Variants in MTMR9 observed in about 807,000 individuals in gnomAD.
MTMR9 encodes myotubularin related protein 9.
MTMR9 carries 39 observed loss-of-function variants against 69.5 expected under a neutral mutation model. That is an observed-to-expected ratio of 0.56 (90% CI 0.43 to 0.73). The LOEUF is 0.73. Among genes scored for constraint, MTMR9 ranks in the 30% least tolerant of loss-of-function variants. The pLI is 0.00. For missense variants in MTMR9, 900 were observed against 671.2 expected, an observed-to-expected ratio of 1.34 and a Z score of -3.77; for synonymous variants, 354 against 240.8, an observed-to-expected ratio of 1.47 and a Z score of -4.35.
chr8:11,327,055 TG>T lies in MTMR9; in HGVS notation c.*4269del, dbSNP rs1178058522. 1 of 152,168 alleles carries T rather than the reference TG, an allele frequency of 6.6e-6. No individual in the cohort carries two copies. The highest frequency in any genetic ancestry group is 2.4e-5 in the African/African-American group (1 of 41,434). The allele number at this position is 152,168 out of a possible 1,614,324, so 9.4% of individuals were successfully genotyped here. On this transcript the variant is annotated 3_prime_UTR_variant, in exon 10 of 10. Transcript: ENST00000221086. ...ATATACTGATACTATAACTTTCTTA[TG>T]GTATCAGTTTTCTTTATTTTCTTGA...
intron 1 of MTMR9, among the ~76,000 whole-genome samples, chr8:11,293,552 A>G (rs1024876974): frequency 2.0e-5 from 3 of 152,140 alleles, no homozygotes; most frequent in Admixed American, 6.5e-5. Flanking sequence ...GACGTTTTAC[A>G]TTTTGAACAT....
intron 1 of MTMR9, among the ~76,000 whole-genome samples, chr8:11,287,399 A>G (rs926921819): frequency 5.3e-5 from 8 of 152,134 alleles, no homozygotes; most frequent in Admixed American, 1.3e-4. Context: ...CAGATGAGCC[A>G]TGGACCTTTG....
At chr8:11,314,112 C>T (rs992021189) in intron 6 of MTMR9, among the ~76,000 whole-genome samples, 1 of 152,184 alleles carries the variant, frequency 6.6e-6, no homozygotes, top group African/African-American at 2.4e-5. Context: ...CGTATTAAAG[C>T]TCTATGTAGT....
chr8:11,294,689 CTG>C (rs1267620801), intron 1 of MTMR9: 1 of 151,964 alleles, frequency 6.6e-6, no homozygotes, highest in Non-Finnish European at 1.5e-5. Flanking sequence ...CAGAATTTCA[CTG>C]TGTTAGCCAG....
chr8:11,313,774 T>C (rs555080831), intron 6 of MTMR9, among the ~76,000 whole-genome samples: 3 of 152,268 alleles, frequency 2.0e-5, no homozygotes, highest in Non-Finnish European at 2.9e-5. Flanking sequence ...CCAAAACTTG[T>C]AGAAGTAACA....
intron 2 of MTMR9, among the ~76,000 whole-genome samples, chr8:11,297,210 G>C (rs1799592193): frequency 6.6e-6 from 1 of 152,104 alleles, no homozygotes; most frequent in Admixed American, 6.5e-5. Flanking sequence ...TCTAGAAGTA[G>C]GATTTTAGTG....
At position 11,309,565 on chromosome 8, in the gene MTMR9, A is replaced by T; in HGVS notation, c.848A>T (p.Glu283Val). 1 of 1,613,822 alleles carries T rather than the reference A, an allele frequency of 6.2e-7. No homozygotes were observed. Among genetic ancestry groups the T allele is most frequent in the East Asian group, 2.2e-5 (1 of 44,888 alleles). Residue 283 changes from glutamate to valine, a missense_variant, in exon 6 of 10, where the codon GAA becomes GTA. Glu to Val is a moderately radical substitution (Grantham distance 121). Coordinates refer to ENST00000221086, the MANE Select transcript of MTMR9 (RefSeq NM_015458.4). ...CAGGAGAGCTTAATCAAACTTGTGGAAGCTTGTAATGACCAAACACATAAC... is the reference window on the plus strand; with the variant it reads ...CAGGAGAGCTTAATCAAACTTGTGGTAGCTTGTAATGACCAAACACATAAC... ...ILQESLIKLVEACNDQTHNMD... is the reference protein window; with the variant it reads ...ILQESLIKLVVACNDQTHNMD...
chr8:11,314,850 G>T, intron 6 of MTMR9, 73 bp from the exon 7 acceptor site: 2 of 1,455,272 alleles, frequency 1.4e-6, no homozygotes, highest in South Asian at 1.2e-5. Context: ...CTCAATAAAC[G>T]CTTGTTATTA....
At chr8:11,288,316 A>G (rs911299362) in intron 1 of MTMR9, among the ~76,000 whole-genome samples, 2 of 140,396 alleles carry the variant, frequency 1.4e-5, no homozygotes, top group Admixed American at 7.6e-5. Flanking sequence ...ATATGTATAT[A>G]TAATATATAT....
intron 9 of MTMR9, 111 bp downstream of exon 9, chr8:11,319,949 G>C (rs780213061): frequency 9.8e-7 from 1 of 1,015,836 alleles, no homozygotes; most frequent in Non-Finnish European, 1.4e-6. Flanking sequence ...GTGGCCCTCA[G>C]ACCTGTGTGA....
At chr8:11,309,172 C>T (rs1437176477) in intron 5 of MTMR9, among the ~76,000 whole-genome samples, 1 of 152,056 alleles carries the variant, frequency 6.6e-6, no homozygotes, top group African/African-American at 2.4e-5. Flanking sequence ...CACTGGGTCT[C>T]TAGTGTTAGA....
chr8:11,337,352 A>T, the MTMR9 span, among the ~76,000 whole-genome samples: 1 of 152,250 alleles, frequency 6.6e-6, no homozygotes, highest in Non-Finnish European at 1.5e-5. Context: ...AATAGGTGGT[A>T]CAAGGTGCAG....
chr8:11,295,927 C>T (rs921153661), intron 2 of MTMR9, among the ~76,000 whole-genome samples: 1 of 152,190 alleles, frequency 6.6e-6, no homozygotes, highest in Non-Finnish European at 1.5e-5. Flanking sequence ...CTTAGAGACA[C>T]TGCAAACCAC....
At position 11,316,753 on chromosome 8, in the gene MTMR9, T is replaced by C. The variant is rs1800433862; in HGVS notation, c.1194T>C (p.Leu398=). 1.2e-6 allele frequency: 2 copies of C among 1,613,902 alleles called. No homozygotes were observed. The highest frequency in any genetic ancestry group is 1.3e-5 in the African/African-American group (1 of 74,990). ...TKQKWEAPVF[L]LFLDCVWQIL... Reference sequence around the variant, plus strand: ...AGAAGTGGGAGGCTCCTGTATTTCTTCTCTTCTTGGACTGCGTGTGGCAGA... The same window carrying C: ...AGAAGTGGGAGGCTCCTGTATTTCTCCTCTTCTTGGACTGCGTGTGGCAGA... The change falls in exon 8 of 10, where the codon CTT becomes CTC. Residue 398 remains leucine, a synonymous_variant. Coordinates refer to ENST00000221086, the MANE Select transcript of MTMR9 (RefSeq NM_015458.4).
chr8:11,331,993 T>TGCA, downstream of MTMR9: 1 of 1,611,946 alleles, frequency 6.2e-7, no homozygotes, highest in Non-Finnish European at 8.5e-7. Flanking sequence ...GCCCTTATAC[T>TGCA]GCAGTATTAT....
intron 1 of MTMR9, 102 bp downstream of exon 1, chr8:11,285,172 T>A: frequency 8.1e-7 from 1 of 1,227,840 alleles, no homozygotes; most frequent in Non-Finnish European, 1.1e-6. Flanking sequence ...GCCGCCCAGC[T>A]AGCCGGCAAG....
chr8:11,319,491 TTTG>T lies in MTMR9; in HGVS notation c.1335-186_1335-184del, dbSNP rs555870731. On this transcript the variant is annotated intron_variant, in intron 8 of 9. Coordinates refer to ENST00000221086, the MANE Select transcript of MTMR9 (RefSeq NM_015458.4). ...TGGAAGCCTGTAAAATACTCTTTGT[TTTG>T]TTGTTGTTGAGAGTTCTAATGCCGA... The T allele has an allele frequency of 7.3e-5, 42 of 577,868 alleles. 1 individual carries two copies. The highest frequency in any genetic ancestry group is 7.2e-4 in the South Asian group (33 of 45,990). 35.8% of individuals were successfully genotyped at this position (577,868 alleles called of 1,614,324 possible).
intron 1 of MTMR9, among the ~76,000 whole-genome samples, chr8:11,293,316 T>G (rs1799431641): frequency 6.6e-6 from 1 of 152,200 alleles, no homozygotes; most frequent in Non-Finnish European, 1.5e-5. Flanking sequence ...AGCTGTATGG[T>G]GTGTTGTATT....
At chr8:11,290,827 G>C (rs1382343273) in intron 1 of MTMR9, among the ~76,000 whole-genome samples, 2 of 145,436 alleles carry the variant, frequency 1.4e-5, no homozygotes, top group South Asian at 4.4e-4. Flanking sequence ...TTTGTGATGT[G>C]TCCAAAAATC....
Sources: allele counts gnomAD v4.1 joint callset (sites outside exome capture counted in the v4.1 genomes callset), GRCh38; gene constraint gnomAD v4.1.1; transcripts MANE v1.5; gene names NCBI Gene and HGNC (gene_info 2026-07-23, HGNC 2026-07-21).